Variants in ZFHX2 observed in about 807,000 individuals in gnomAD.
ZFHX2 encodes the protein zinc finger homeobox protein 2.
A neutral mutation model predicts 164.8 loss-of-function variants in ZFHX2; 75 were observed. That is an observed-to-expected ratio of 0.46 (90% CI 0.38 to 0.55). The LOEUF is 0.55. Ranked by LOEUF, ZFHX2 falls within the 20% of genes least tolerant of loss-of-function variation. ZFHX2 has a pLI of 0.00. For missense variants in ZFHX2, 2,933 were observed against 3,308.0 expected (o/e 0.89, Z 2.78); for synonymous variants, 1,217 against 1,351.4 (o/e 0.90, Z 2.18).
In ZFHX2 at chr14:23,533,703, C is replaced by A; in HGVS notation, c.1623G>T (p.Ala541=). The A allele has an allele frequency of 6.5e-7, 1 of 1,541,342 alleles. No homozygotes were observed. Among genetic ancestry groups the A allele is most frequent in the East Asian group, 2.4e-5 (1 of 41,120 alleles). ...GTGGACTTCCCTGCCCACCAGGGCCCGCCTGGAAGCCCTGTAGGTTGGCCA... is the reference window on the plus strand; with the variant it reads ...GTGGACTTCCCTGCCCACCAGGGCCAGCCTGGAAGCCCTGTAGGTTGGCCA... ...KHLANLQGFQ[A]GPGGQGSPPE... Residue 541 remains alanine, a synonymous_variant, in exon 2 of 10, where the codon GCG becomes GCT. Transcript: ENST00000419474. The surrounding 1 kb of genome is among the most constrained non-coding windows in gnomAD (Gnocchi z 4.8).
chr14:23,539,018 G>A (rs1169797590), intron 1 of ZFHX2, among the ~76,000 whole-genome samples: 3 of 152,146 alleles, frequency 2.0e-5, no homozygotes, highest in Non-Finnish European at 2.9e-5. Context: ...GCCAAGGGAG[G>A]GCGGAGAGTT....
chr14:23,522,917 A>G lies in ZFHX2; in HGVS notation c.6764T>C (p.Leu2255Pro), dbSNP rs1378957205. Residue 2255 changes from leucine to proline, a missense_variant, in exon 10 of 10, where the codon CTC becomes CCC. Leu to Pro is a moderately conservative substitution (Grantham distance 98). Coordinates refer to ENST00000419474, the MANE Select transcript of ZFHX2 (RefSeq NM_033400.3). ...AGGCAGGACCGAAGTGGCGAGGCCG[A>G]GGAGGCCTGAGGAGGCTGCCGGGCC... ...NSGPAASSGL[L>P]GLATSVLPTT... 6.9e-7 allele frequency: 1 copy of G among 1,447,918 alleles called. No individual in the cohort carries two copies. Among genetic ancestry groups the G allele is most frequent in the East Asian group, 2.5e-5 (1 of 40,146 alleles). 89.7% of individuals were successfully genotyped at this position (1,447,918 alleles called of 1,614,324 possible).
Position 23,533,360 on chromosome 14 carries a change from T to C in ZFHX2, c.1966A>G (p.Lys656Glu). 1 of 1,444,428 alleles carries C rather than the reference T, an allele frequency of 6.9e-7. No homozygotes were observed. The highest frequency in any genetic ancestry group is 9.1e-7 in the Non-Finnish European group (1 of 1,103,472). The allele number at this position is 1,444,428 out of a possible 1,614,324, so 89.5% of individuals were successfully genotyped here. A position where few individuals can be genotyped will look rare whatever the true frequency, so the allele number is the denominator to read the frequency against. ...AGAAGTAGCTGGGCTTCCAGGGGCT[T>C]GTCTGGCCTCAGCCCCGGGCCAGCC... ...PLAGPGLRPD[K>E]PLEAQLLLNG... Residue 656 changes from lysine (K) to glutamate (E), a missense_variant, in exon 2 of 10, where the codon AAG (lysine) becomes GAG (glutamate). Physicochemically the swap from Lys to Glu is moderately conservative, Grantham distance 56 (BLOSUM62 1). Coordinates refer to ENST00000419474, the MANE Select transcript of ZFHX2 (RefSeq NM_033400.3). The surrounding 1 kb of genome is among the most constrained non-coding windows in gnomAD (Gnocchi z 4.8).
In ZFHX2 at chr14:23,526,342, G is replaced by A. The variant is rs886214147; in HGVS notation, c.3600C>T (p.Phe1200=). ...PYKCTVCKES[F]TQKNILLVHY... The stretch of plus-strand genomic sequence containing the variant: ...GAACCAACAGAATATTCTTCTGGGT[G>A]AAGGACTCCTTACACACAGTGCACT... Residue 1200 remains phenylalanine, a synonymous_variant, in exon 9 of 10, where the codon TTC becomes TTT. Transcript: ENST00000419474. 3.3e-6 allele frequency: 5 copies of A among 1,536,208 alleles called. No individual in the cohort carries two copies. The highest frequency in any genetic ancestry group is 4.4e-6 in the Non-Finnish European group (5 of 1,146,922).
In ZFHX2 at chr14:23,524,579, C is replaced by A; in HGVS notation, c.5363G>T (p.Arg1788Leu). 2 of 1,534,756 alleles carry A rather than the reference C, an allele frequency of 1.3e-6. No individual in the cohort carries two copies. The highest frequency in any genetic ancestry group is 8.7e-7 in the Non-Finnish European group (1 of 1,146,096). Reference protein sequence around the residue: ...FSSQDLLTSHRRLHFLPSLQP... With the variant: ...FSSQDLLTSHLRLHFLPSLQP... ...CAGAGATGGCAGGAAATGTAGTCGG[C>A]GGTGACTGGTCAGGAGGTCCTGGCT... is the stretch of plus-strand genomic sequence containing the variant. The change falls in exon 9 of 10, where the codon CGC becomes CTC. Residue 1788 changes from arginine to leucine, a missense_variant. Physicochemically the swap from Arg to Leu is moderately radical, Grantham distance 102. Coordinates refer to ENST00000419474, the MANE Select transcript of ZFHX2 (RefSeq NM_033400.3). The surrounding 1 kb of genome is among the most constrained non-coding windows in gnomAD (Gnocchi z 5.6).
intron 1 of ZFHX2, among the ~76,000 whole-genome samples, chr14:23,548,856 G>A (rs886799277): frequency 2.0e-5 from 3 of 152,034 alleles, no homozygotes; most frequent in Non-Finnish European, 4.4e-5. Flanking sequence ...CGGCGCCCCC[G>A]CAGTGCTCTC....
At chr14:23,538,400 T>G (rs1255592515) in intron 1 of ZFHX2, among the ~76,000 whole-genome samples, 1 of 152,000 alleles carries the variant, frequency 6.6e-6, no homozygotes, top group Non-Finnish European at 1.5e-5. Context: ...CTGCAGCGAT[T>G]ATTTTTTTGC....
intron 1 of ZFHX2, among the ~76,000 whole-genome samples, chr14:23,538,810 G>A (rs1196205431): frequency 1.3e-5 from 2 of 152,158 alleles, no homozygotes; most frequent in African/African-American, 2.4e-5. Flanking sequence ...AGGGCTGGGG[G>A]CCTCTGTGAA....
chr14:23,538,459 C>G (rs1289114359), intron 1 of ZFHX2, among the ~76,000 whole-genome samples: 1 of 152,000 alleles, frequency 6.6e-6, no homozygotes, highest in African/African-American at 2.4e-5. Context: ...CCTTCCTTCC[C>G]TCTCAGAATC....
At chr14:23,540,476 G>A (rs547770737) in intron 1 of ZFHX2, among the ~76,000 whole-genome samples, 24 of 152,286 alleles carry the variant, frequency 1.6e-4, no homozygotes, top group Middle Eastern at 6.8e-3. Context: ...ACAAGAGGAG[G>A]TGACCATGGA....
chr14:23,555,544 A>T (rs548214228), upstream of ZFHX2, among the ~76,000 whole-genome samples: 1 of 152,134 alleles, frequency 6.6e-6, no homozygotes. Flanking sequence ...TTCCTGGCCA[A>T]AATACCACTT....
Position 23,524,126 on chromosome 14 carries a change from G to T in ZFHX2, c.5816C>A (p.Ser1939Tyr), listed in dbSNP as rs1307544563. ...TAATAAGAGGTTGAACTTGGGCAAG[G>T]ATGCAGGGGTGGCTGTGGCAGGCGG... is the stretch of plus-strand genomic sequence containing the variant. ...VKPPATATPASLPKFNLLLGK... is the reference protein window; with the variant it reads ...VKPPATATPAYLPKFNLLLGK... The change falls in exon 9 of 10, where the codon TCC (serine) becomes TAC (tyrosine). Residue 1939 changes from serine (S) to tyrosine (Y), a missense_variant. Transcript: ENST00000419474. The surrounding 1 kb of genome is among the most constrained non-coding windows in gnomAD (Gnocchi z 5.6). 6.5e-7 allele frequency: 1 copy of T among 1,535,764 alleles called. No individual in the cohort carries two copies. Among genetic ancestry groups the T allele is most frequent in the Admixed American group, 2.0e-5 (1 of 50,944 alleles).
At chr14:23,527,901 CTTTTTTTT>C (rs745574496) in intron 6 of ZFHX2, 97 bp from the exon 7 acceptor site, 49 of 448,934 alleles carry the variant, frequency 1.1e-4, no homozygotes, top group Admixed American at 2.0e-4. Flanking sequence ...GCCCCCACTC[CTTTTTTTT>C]TTTTTTTTTT....
At chr14:23,551,816 C>T (rs188038365), upstream of ZFHX2, among the ~76,000 whole-genome samples, 4 of 152,270 alleles carry the variant, frequency 2.6e-5, no homozygotes, top group Non-Finnish European at 5.9e-5. The surrounding 1 kb of genome is among the most constrained non-coding windows in gnomAD (Gnocchi z 5.3). Context: ...TGCAGCGACC[C>T]GCCCGCCGCG....
At position 23,533,816 on chromosome 14, in the gene ZFHX2, C is replaced by T. The variant is rs1879857226; in HGVS notation, c.1510G>A (p.Gly504Ser). 1 of 1,544,256 alleles carries T rather than the reference C, an allele frequency of 6.5e-7. No homozygotes were observed. Among genetic ancestry groups the T allele is most frequent in the East Asian group, 2.4e-5 (1 of 41,308 alleles). ...ACGTCACAGCGGTAGGGTTTGTAGC[C>T]ACAGTTGTAGCTCTCTCCACGAGCA... ...RLARGESYNCGYKPYRCDVCN... is the reference protein window; with the variant it reads ...RLARGESYNCSYKPYRCDVCN... Residue 504 changes from glycine to serine, a missense_variant, in exon 2 of 10, where the codon GGC becomes AGC. Physicochemically the swap from Gly to Ser is moderately conservative, Grantham distance 56. Transcript: ENST00000419474. The surrounding 1 kb of genome is among the most constrained non-coding windows in gnomAD (Gnocchi z 4.8).
In ZFHX2 at chr14:23,521,910, G is replaced by A; in HGVS notation, c.*52C>T. ...GAGCTCCCACCGAACACCCCTTGGG[G>A]TAAAAGAGGGAGCCCTGAGGCCCTC... On this transcript the variant is annotated 3_prime_UTR_variant, in exon 10 of 10. Coordinates refer to ENST00000419474, the MANE Select transcript of ZFHX2 (RefSeq NM_033400.3). 6.5e-7 allele frequency: 1 copy of A among 1,531,664 alleles called. No homozygotes were observed. 94.9% of individuals were successfully genotyped at this position (1,531,664 alleles called of 1,614,324 possible). A position where few individuals can be genotyped will look rare whatever the true frequency, so the allele number is the denominator to read the frequency against.
intron 1 of ZFHX2, among the ~76,000 whole-genome samples, chr14:23,540,811 C>A (rs1344668829): frequency 6.6e-6 from 1 of 152,202 alleles, no homozygotes; most frequent in Non-Finnish European, 1.5e-5. Flanking sequence ...GAGGGTAGTT[C>A]TTTTCCTTCT....
upstream of ZFHX2, among the ~76,000 whole-genome samples, chr14:23,552,052 A>G (rs1407327710): frequency 6.6e-6 from 1 of 152,120 alleles, no homozygotes; most frequent in African/African-American, 2.4e-5. Context: ...GCTTCAGAAC[A>G]AGCCCTGAGC....
rs1453519045 is a variant in ZFHX2, at chr14:23,521,318, GT to G, written c.*643del. ...TTCTCCCATGCCAGCCTCCAGTTTG[GT>G]TAGAGTTTTGTGGGCTCCCTGCCCA... On this transcript the variant is annotated 3_prime_UTR_variant, in exon 10 of 10. Coordinates refer to ENST00000419474, the MANE Select transcript of ZFHX2 (RefSeq NM_033400.3). The G allele has an allele frequency of 2.0e-5, 3 of 152,540 alleles. No homozygotes were observed. The highest frequency in any genetic ancestry group is 1.3e-4 in the Admixed American group (2 of 15,288). 9.4% of individuals were successfully genotyped at this position (152,540 alleles called of 1,614,324 possible). A position where few individuals can be genotyped will look rare whatever the true frequency, so the allele number is the denominator to read the frequency against.
Sources: allele counts gnomAD v4.1 joint callset (sites outside exome capture counted in the v4.1 genomes callset), GRCh38; gene constraint gnomAD v4.1.1; non-coding constraint Gnocchi (gnomAD v3.1); transcripts MANE v1.5; gene names NCBI Gene and HGNC (gene_info 2026-07-23, HGNC 2026-07-21).